FAT4: variants seen among roughly 807,000 people sequenced by gnomAD.
FAT4 encodes the protein FAT atypical cadherin 4.
FAT4 carries 84 observed loss-of-function variants against 303.9 expected under a neutral mutation model. The ratio of observed to expected loss-of-function variants is 0.28; its 90% CI spans 0.23 to 0.33. FAT4 has a LOEUF of 0.33. Among genes scored for constraint, FAT4 ranks in the 10% least tolerant of loss-of-function variants. The pLI is 1.00. For missense variants in FAT4, 6,005 were observed against 6,146.8 expected (o/e 0.98, Z 0.77); for synonymous variants, 2,307 against 2,298.8 (o/e 1.00, Z -0.10).
chr4:125,490,028 C>T lies in FAT4; in HGVS notation c.13212C>T (p.Asn4404=), dbSNP rs1727558968. 6.2e-7 allele frequency: 1 copy of T among 1,613,868 alleles called. No homozygotes were observed. Among genetic ancestry groups the T allele is most frequent in the African/African-American group, 1.3e-5 (1 of 74,860 alleles). Residue 4404 remains asparagine, a synonymous_variant, in exon 18 of 18, where the codon AAC becomes AAT. Coordinates refer to ENST00000394329, the MANE Select transcript of FAT4 (RefSeq NM_001291303.3). ...PSVKIGCRGP[N]ICASNPCWGD... is the part of the protein sequence containing the mutation. ...TGAAGATTGGCTGCCGTGGCCCGAA[C>T]ATTTGTGCCAGCAACCCCTGCTGGG...
At chr4:125,406,857 A>C in intron 3 of FAT4, 23 bp from the exon 4 acceptor site, 2 of 1,608,432 alleles carry the variant, frequency 1.2e-6, no homozygotes, top group Non-Finnish European at 1.7e-6. Context: ...CCAATAGCTC[A>C]GATGCTTGGT....
intron 7 of FAT4, among the ~76,000 whole-genome samples, chr4:125,424,581 G>A (rs1027463931): frequency 4.6e-5 from 7 of 152,070 alleles, no homozygotes; most frequent in African/African-American, 1.7e-4. Flanking sequence ...ACTTCTATGG[G>A]CTTATTGATA....
At chr4:125,390,113 A>G (rs1031763693) in intron 2 of FAT4, among the ~76,000 whole-genome samples, 1 of 152,190 alleles carries the variant, frequency 6.6e-6, no homozygotes, top group Non-Finnish European at 1.5e-5. Flanking sequence ...TCGTGGCAAT[A>G]CAGCTCTTTA....
intron 2 of FAT4, among the ~76,000 whole-genome samples, chr4:125,378,963 T>G (rs192599946): frequency 6.6e-6 from 1 of 152,212 alleles, no homozygotes; most frequent in Non-Finnish European, 1.5e-5. Flanking sequence ...CTTCATTGGT[T>G]GCCTTGGAGA....
intron 10 of FAT4, 60 bp downstream of exon 10, chr4:125,452,870 G>A: frequency 4.7e-6 from 7 of 1,496,838 alleles, no homozygotes; most frequent in East Asian, 4.6e-5. Context: ...ATATTGAAAC[G>A]AAATAATTTT....
At chr4:125,409,940 C>A (rs1734780962) in intron 5 of FAT4, among the ~76,000 whole-genome samples, 1 of 152,114 alleles carries the variant, frequency 6.6e-6, no homozygotes. Context: ...ACAGGCATAT[C>A]TATCTCAATT....
intron 2 of FAT4, among the ~76,000 whole-genome samples, chr4:125,396,791 G>C (rs1037573830): frequency 3.3e-5 from 5 of 151,826 alleles, no homozygotes; most frequent in African/African-American, 9.7e-5. Flanking sequence ...GATGCATTCA[G>C]TTACCTTTTA....
intron 5 of FAT4, among the ~76,000 whole-genome samples, chr4:125,410,458 G>C (rs1374837457): frequency 6.6e-6 from 1 of 152,108 alleles, no homozygotes; most frequent in African/African-American, 2.4e-5. Flanking sequence ...CTATTTTGGA[G>C]ATTGGTTTAT....
rs146135271 is a variant in FAT4 at position 125,488,846 on chromosome 4, A to G, written c.13085-1055A>G. On this transcript the variant is annotated intron_variant, in intron 17 of 17. Coordinates refer to ENST00000394329, the MANE Select transcript of FAT4 (RefSeq NM_001291303.3). ...ATGTGATCACCTAACATGAGGGCGT[A>G]GAGTGAAAAGAAAGCCTGGGACGTC... Among the ~76,000 whole-genome samples the G allele has an allele frequency of 3.3e-3, 500 of 152,290 alleles. 3 individuals are homozygous for G. The highest frequency in any genetic ancestry group is 0.011 in the African/African-American group (477 of 41,572).
chr4:125,379,895 T>C (rs1306250562), intron 2 of FAT4, among the ~76,000 whole-genome samples: 1 of 152,044 alleles, frequency 6.6e-6, no homozygotes, highest in Non-Finnish European at 1.5e-5. Context: ...TGGAGTTCAC[T>C]CTTTTGTTTT....
chr4:125,477,223 GA>G lies in FAT4; in HGVS notation c.12370del (p.Arg4124GlufsTer13). 6.5e-7 allele frequency: 1 copy of G among 1,542,864 alleles called. No homozygotes were observed. Among genetic ancestry groups the G allele is most frequent in the Non-Finnish European group, 8.8e-7 (1 of 1,140,796 alleles). On this transcript the variant is annotated frameshift_variant, in exon 14 of 18. Coordinates refer to ENST00000394329, the MANE Select transcript of FAT4 (RefSeq NM_001291303.3). LOFTEE classifies it high-confidence loss of function. ...AGATCTCTAGAACCAATCCTTCAGA[GA>G]AGAGGACACGTGGAAAGCCATGATT... is the stretch of plus-strand genomic sequence containing the variant. ...GIRSLEPILQRRGHVESHDFV... is the reference protein window; with the variant it reads ...GIRSLEPILQXRGHVESHDFV...
chr4:125,482,846 T>C (rs1727275598), intron 16 of FAT4, among the ~76,000 whole-genome samples: 2 of 152,312 alleles, frequency 1.3e-5, no homozygotes, highest in South Asian at 4.1e-4. Context: ...CATATAAATA[T>C]ATTTAATAAG....
At chr4:125,458,954 C>T (rs1045004756) in intron 10 of FAT4, among the ~76,000 whole-genome samples, 1 of 151,854 alleles carries the variant, frequency 6.6e-6, no homozygotes, top group African/African-American at 2.4e-5. Context: ...AAGACAGCTA[C>T]TTTTTGCTAA....
At chr4:125,477,126 AATATTT>A (rs754904848) in intron 13 of FAT4, 23 bp from the exon 14 acceptor site, 1 of 1,318,156 alleles carries the variant, frequency 7.6e-7, no homozygotes, top group Non-Finnish European at 9.8e-7. Context: ...TTTTGACACT[AATATTT>A]ATATCTTCCA....
At chr4:125,429,688 A>G (rs1044544660) in intron 7 of FAT4, among the ~76,000 whole-genome samples, 5 of 152,314 alleles carry the variant, frequency 3.3e-5, no homozygotes, top group Middle Eastern at 3.4e-3. Context: ...TATGTATAAC[A>G]CATGCATGTA....
In FAT4 at chr4:125,491,325, G is replaced by C; in HGVS notation, c.14509G>C (p.Ala4837Pro). 6.2e-7 allele frequency: 1 copy of C among 1,614,222 alleles called. No homozygotes were observed. The highest frequency in any genetic ancestry group is 2.2e-5 in the East Asian group (1 of 44,882). The change falls in exon 18 of 18, where the codon GCT becomes CCT. Residue 4837 changes from alanine (A) to proline (P), a missense_variant. Ala to Pro is a conservative substitution (Grantham distance 27). Transcript: ENST00000394329. ...AAGGAATCCAGCGGATGGCATTCCA[G>C]CTCCAGAATCCTCTTCTGATAGTGA... Reference protein sequence around the residue: ...RTRNPADGIPAPESSSDSDSH... With the variant: ...RTRNPADGIPPPESSSDSDSH...
intron 7 of FAT4, among the ~76,000 whole-genome samples, chr4:125,424,110 AAGG>A (rs1238404482): frequency 2.0e-5 from 3 of 152,100 alleles, no homozygotes; most frequent in African/African-American, 7.2e-5. Context: ...GACTGTTGGG[AAGG>A]CATGATTGTG....
Position 125,490,165 on chromosome 4 carries a change from G to A in FAT4, c.13349G>A (p.Gly4450Asp), listed in dbSNP as rs1727566628. ...AGCTGTGAGCCAGGCCTGCACTCCG[G>A]CTTCACCTGTAGCTGCCCAGACTCG... Reference protein sequence around the residue: ...GGSCEPGLHSGFTCSCPDSHT... With the variant: ...GGSCEPGLHSDFTCSCPDSHT... The change falls in exon 18 of 18, where the codon GGC becomes GAC. Residue 4450 changes from glycine (G) to aspartate (D), a missense_variant. By Grantham distance (94) the Gly-to-Asp change is moderately conservative. Transcript: ENST00000394329. 1.9e-6 allele frequency: 3 copies of A among 1,614,112 alleles called. No individual in the cohort carries two copies. The East Asian group carries it at 6.7e-5, about 36-fold the overall frequency.
At chr4:125,416,748 C>A (rs1475892720) in intron 7 of FAT4, 126 bp downstream of exon 7, 4 of 805,394 alleles carry the variant, frequency 5.0e-6, no homozygotes, top group Non-Finnish European at 7.9e-6. Flanking sequence ...GAGTTCAAGA[C>A]CAGCCTGACC....
Sources: allele counts gnomAD v4.1 joint callset (sites outside exome capture counted in the v4.1 genomes callset), GRCh38; gene constraint gnomAD v4.1.1; transcripts MANE v1.5; gene names NCBI Gene and HGNC (gene_info 2026-07-23, HGNC 2026-07-21).